ABCB1: variants seen among roughly 807,000 people sequenced by gnomAD.
ABCB1 encodes ATP-dependent translocase ABCB1.
Under a neutral mutation model 142.0 loss-of-function variants are expected in ABCB1, and 69 were observed. That is an observed-to-expected ratio of 0.49 (90% CI 0.40 to 0.59). The LOEUF is 0.59. Ranked by LOEUF, ABCB1 falls within the 20% of genes least tolerant of loss-of-function variation. The pLI is 0.00. For synonymous variants in ABCB1, 532 were observed against 539.2 expected (o/e 0.99, Z 0.18); for missense variants, 1,326 against 1,554.7 (o/e 0.85, Z 2.47).
At chr7:87,510,103 A>C (rs1456892870) in intron 25 of ABCB1, among the ~76,000 whole-genome samples, 1 of 152,160 alleles carries the variant, frequency 6.6e-6, no homozygotes, top group Non-Finnish European at 1.5e-5. Flanking sequence ...CAGAAGTGTA[A>C]AGTCATAAAT....
At chr7:87,615,318 A>C (rs1768951389) in intron 1 of ABCB1, among the ~76,000 whole-genome samples, 1 of 152,188 alleles carries the variant, frequency 6.6e-6, no homozygotes, top group African/African-American at 2.4e-5. Flanking sequence ...TGTTTAGTCC[A>C]CTGAGAGTTA....
chr7:87,647,553 T>G (rs1295636329), intron 1 of ABCB1, among the ~76,000 whole-genome samples: 1 of 152,232 alleles, frequency 6.6e-6, no homozygotes, highest in Non-Finnish European at 1.5e-5. Context: ...GTAATGAATT[T>G]ATTTTGTTTA....
intron 3 of ABCB1, among the ~76,000 whole-genome samples, chr7:87,587,837 T>C (rs540986578): frequency 1.0e-4 from 14 of 139,498 alleles, no homozygotes; most frequent in African/African-American, 3.0e-4. Flanking sequence ...ATCGCACCAC[T>C]GCACTCCAGC....
chr7:87,710,697 A>C (rs754239107), intron 1 of ABCB1: 1 of 1,103,608 alleles, frequency 9.1e-7, no homozygotes, highest in Non-Finnish European at 1.3e-6. Flanking sequence ...ATTTGAAAGA[A>C]TCACCTGAAG....
At chr7:87,617,507 GTCT>G (rs891746401) in intron 1 of ABCB1, among the ~76,000 whole-genome samples, 6 of 152,190 alleles carry the variant, frequency 3.9e-5, no homozygotes, top group Non-Finnish European at 7.4e-5. Context: ...ACTATTGTTT[GTCT>G]TCTTCTGTAG....
Position 87,549,350 on chromosome 7 carries a change from T to C in ABCB1, c.1723A>G (p.Lys575Glu). The change falls in exon 14 of 28, where the codon AAG becomes GAG. Residue 575 changes from lysine (K) to glutamate (E), a missense_variant and splice_region_variant. Transcript: ENST00000622132. The part of the protein sequence containing the change: ...SEAVVQVALD[K>E]ARKGRTTIVI... ...GGTTTGAACTAAGCCTCACTGACCT[T>C]ATCCAGAGCCACCTGAACCACTGCT... 6.2e-7 allele frequency: 1 copy of C among 1,614,176 alleles called. No homozygotes were observed. The highest frequency in any genetic ancestry group is 8.5e-7 in the Non-Finnish European group (1 of 1,180,028).
intron 1 of ABCB1, among the ~76,000 whole-genome samples, chr7:87,630,480 A>G (rs1283019887): frequency 6.6e-6 from 1 of 152,174 alleles, no homozygotes; most frequent in Non-Finnish European, 1.5e-5. Flanking sequence ...GTTTTAAAAT[A>G]TAGGTAAATA....
chr7:87,663,738 G>A (rs1012042762), intron 1 of ABCB1, among the ~76,000 whole-genome samples: 2 of 152,060 alleles, frequency 1.3e-5, no homozygotes, highest in Admixed American at 6.6e-5. Context: ...ATACTGAGAG[G>A]CTTAAGTAAC....
intron 1 of ABCB1, chr7:87,700,639 A>G (rs1039728590): frequency 1.0e-5 from 13 of 1,267,196 alleles, no homozygotes; most frequent in Non-Finnish European, 9.8e-6. Flanking sequence ...GCTACTTACT[A>G]TGAATTTCCT....
rs369499513 is a variant in ABCB1, at chr7:87,692,464, A to G, written c.-331+20697T>C. On this transcript the variant is annotated intron_variant, in intron 1 of 28. Transcript: ENST00000265724. ...AAAGTGAGAACCTGTCTCTTAAACA[A>G]TCAAACACAAAAACCCTATAAATTG... Among the ~76,000 whole-genome samples the G allele has an allele frequency of 1.4e-4, 21 of 152,304 alleles. No individual in the cohort carries two copies. In the East Asian group the frequency reaches 2.9e-3, roughly 21 times the overall value.
intron 1 of ABCB1, among the ~76,000 whole-genome samples, chr7:87,681,595 A>G (rs1365674475): frequency 6.6e-6 from 1 of 150,720 alleles, no homozygotes; most frequent in Non-Finnish European, 1.5e-5. Flanking sequence ...AAATGCTAAC[A>G]ATCATCTGAG....
intron 1 of ABCB1, among the ~76,000 whole-genome samples, chr7:87,652,844 G>T (rs1265668744): frequency 6.6e-6 from 1 of 151,838 alleles, no homozygotes; most frequent in African/African-American, 2.4e-5. Context: ...AATTTTTCCA[G>T]TGTTTTCCTT....
intron 24 of ABCB1, among the ~76,000 whole-genome samples, 189 bp downstream of exon 24, chr7:87,516,320 T>A (rs373272764): frequency 3.3e-5 from 5 of 152,292 alleles, no homozygotes; most frequent in African/African-American, 1.2e-4. Context: ...TATTTCCCTA[T>A]AACCTTTGCT....
chr7:87,654,938 G>T (rs750578951), intron 1 of ABCB1, among the ~76,000 whole-genome samples: 22 of 151,940 alleles, frequency 1.4e-4, no homozygotes, highest in Admixed American at 1.2e-3. Flanking sequence ...ATATAAAAAG[G>T]TGCTCAAAAT....
At chr7:87,587,507 A>G (rs535570673) in intron 3 of ABCB1, among the ~76,000 whole-genome samples, 8 of 152,322 alleles carry the variant, frequency 5.3e-5, no homozygotes, top group African/African-American at 1.9e-4. Flanking sequence ...AACTGAGTCA[A>G]TCATCATTCC....
chr7:87,589,794 AGAGAGAGAGAG>A (rs766032574), intron 3 of ABCB1, among the ~76,000 whole-genome samples: 28 of 143,374 alleles, frequency 2.0e-4, no homozygotes, highest in Non-Finnish European at 1.0e-4. Context: ...AAAGAAAGAG[AGAGAGAGAGAG>A]GAGAGAGAGA....
intron 4 of ABCB1, among the ~76,000 whole-genome samples, chr7:87,574,631 A>G (rs1198057168): frequency 6.6e-6 from 1 of 152,034 alleles, no homozygotes; most frequent in Non-Finnish European, 1.5e-5. Flanking sequence ...TTCTTCCTTC[A>G]AGGCTTTATC....
chr7:87,543,197 G>A (rs1816615760), intron 17 of ABCB1, among the ~76,000 whole-genome samples: 1 of 152,170 alleles, frequency 6.6e-6, no homozygotes, highest in South Asian at 2.1e-4. Context: ...AGGAGGCTGA[G>A]GCAGGAGAAT....
chr7:87,675,735 TATATC>T (rs1484050335), intron 1 of ABCB1, among the ~76,000 whole-genome samples: 1 of 150,938 alleles, frequency 6.6e-6, no homozygotes, highest in Non-Finnish European at 1.5e-5. Context: ...ACCTTTCTCT[TATATC>T]ATACACAAAA....
Sources: allele counts gnomAD v4.1 joint callset (sites outside exome capture counted in the v4.1 genomes callset), GRCh38; gene constraint gnomAD v4.1.1; transcripts MANE v1.5; gene names NCBI Gene and HGNC (gene_info 2026-07-23, HGNC 2026-07-21).